The following VANGL2 variants were observed in gnomAD, a reference collection of about 807,000 sequenced individuals.
The protein encoded by VANGL2 is VANGL planar cell polarity protein 2, also known as vang-like protein 2.
In VANGL2, 14 loss-of-function variants were observed where a neutral mutation model predicts 50.2. That is an observed-to-expected ratio of 0.28 (90% CI 0.18 to 0.44). The LOEUF is 0.44. VANGL2 is among the 20% of genes least tolerant of loss of function. The pLI, the probability that VANGL2 is intolerant of heterozygous loss-of-function variation, is 1.00. For missense variants in VANGL2, 533 were observed against 701.5 expected, an observed-to-expected ratio of 0.76 and a Z score of 2.71; for synonymous variants, 295 against 297.2, an observed-to-expected ratio of 0.99 and a Z score of 0.08.
chr1:160,415,947 GGGTTGGGGGCTGTTAAGA>G, intron 2 of VANGL2, 39 bp downstream of exon 2: 1 of 1,614,198 alleles, frequency 6.2e-7, no homozygotes, highest in Non-Finnish European at 8.5e-7. Context: ...GGCGGAGGGA[GGGTTGGGGGCTGTTAAGA>G]GGTGGGCACG....
In VANGL2 at chr1:160,422,096, C is replaced by T. The variant is rs79925766; in HGVS notation, c.1073+909C>T. Among the ~76,000 whole-genome samples, 339 of 152,282 alleles carry T rather than the reference C, an allele frequency of 2.2e-3. 2 individuals carry two copies. The East Asian group carries it at 0.027, about 12-fold the overall frequency. On this transcript the variant is annotated intron_variant, in intron 6 of 7. Coordinates refer to ENST00000368061, the MANE Select transcript of VANGL2 (RefSeq NM_020335.3). ...AGCAGAGTGCCTCAGGACTTGACCA[C>T]GCACCTGGCCTCCGCCCCATCTCCC...
rs1651497328 is a variant in VANGL2, at chr1:160,427,483, C to G, written c.*2105C>G. 1 of 152,314 alleles carries G rather than the reference C, an allele frequency of 6.6e-6. No homozygotes were observed. The highest frequency in any genetic ancestry group is 2.4e-5 in the African/African-American group (1 of 41,362). 9.4% of individuals were successfully genotyped at this position (152,314 alleles called of 1,614,324 possible). Reference sequence around the variant, plus strand: ...TTTTTTGCCTCCAACTCTCTAAGCACTAAGGGCTGTGCCTGAGAATGGTAG... The same window carrying G: ...TTTTTTGCCTCCAACTCTCTAAGCAGTAAGGGCTGTGCCTGAGAATGGTAG... On this transcript the variant is annotated 3_prime_UTR_variant, in exon 8 of 8. Transcript: ENST00000368061.
intron 6 of VANGL2, among the ~76,000 whole-genome samples, chr1:160,422,034 G>T (rs927392587): frequency 2.0e-5 from 3 of 152,174 alleles, no homozygotes; most frequent in Admixed American, 6.5e-5. Flanking sequence ...ACTCTGCCGG[G>T]TTCCATCTTG....
At position 160,400,625 on chromosome 1, in the gene VANGL2, T is replaced by C. The variant is rs975848646; in HGVS notation, c.-435T>C. 1.3e-5 allele frequency: 2 copies of C among 150,824 alleles called. No homozygotes were observed. Among genetic ancestry groups the C allele is most frequent in the Admixed American group, 1.3e-4 (2 of 15,146 alleles). 9.3% of individuals were successfully genotyped at this position (150,824 alleles called of 1,614,324 possible). On this transcript the variant is annotated 5_prime_UTR_variant, in exon 1 of 8. An upstream start codon of the reference 5' UTR is lost. Transcript: ENST00000368061. ...GATTCCTTGATCCTTGGTCCCGCCA[T>C]GGGAGCCTGAGCGCCCCCTATTCCC...
chr1:160,424,136 C>A lies in VANGL2; in HGVS notation c.1158C>A (p.Asp386Glu). The A allele has an allele frequency of 1.2e-6, 2 of 1,613,396 alleles. No individual in the cohort carries two copies. The highest frequency in any genetic ancestry group is 1.1e-5 in the South Asian group (1 of 91,060). ...AGAAAAACCCCAGGGAGGTGATGGA[C>A]CCCCGGGAGGCAGCCCAAGCCATCT... ...EEQKNPREVM[D>E]PREAAQAIFA... The change falls in exon 7 of 8, where the codon GAC becomes GAA. Residue 386 changes from aspartate (D) to glutamate (E), a missense_variant. By Grantham distance (45) the Asp-to-Glu change is conservative. Transcript: ENST00000368061.
intron 3 of VANGL2, 53 bp from the exon 4 acceptor site, chr1:160,418,949 C>G: frequency 6.4e-7 from 1 of 1,559,734 alleles, no homozygotes; most frequent in Non-Finnish European, 8.7e-7. Flanking sequence ...CCCTCCTCTT[C>G]CTCTTCTTAT....
In VANGL2 at chr1:160,406,563, C is replaced by G. The variant is rs556816625; in HGVS notation, c.-191+5694C>G. Among the ~76,000 whole-genome samples the G allele has an allele frequency of 1.5e-4, 23 of 152,080 alleles. 1 individual carries two copies. Among genetic ancestry groups the G allele is most frequent in the South Asian group, 4.2e-4 (2 of 4,802 alleles). ...ACTGTAGGCTCCGGCCACCATGGCC[C>G]GTGGGGTCTTGTTTGTGAATGGGAG... is the stretch of plus-strand genomic sequence containing the variant. On this transcript the variant is annotated intron_variant, in intron 1 of 7. Coordinates refer to ENST00000368061, the MANE Select transcript of VANGL2 (RefSeq NM_020335.3).
At position 160,425,355 on chromosome 1, in the gene VANGL2, C is replaced by G. The variant is rs146242745; in HGVS notation, c.1543C>G (p.Leu515Val). 14 of 1,599,568 alleles carry G rather than the reference C, an allele frequency of 8.8e-6. No homozygotes were observed. The highest frequency in any genetic ancestry group is 1.2e-5 in the Non-Finnish European group (14 of 1,175,560). The change falls in exon 8 of 8, where the codon CTG becomes GTG. Residue 515 changes from leucine to valine, a missense_variant. Transcript: ENST00000368061. ...CAAGTCACACAAGTTTGTCATGAGG[C>G]TGCAGTCTGAGACCTCAGTGTGACT... ...DPKSHKFVMR[L>V]QSETSV
chr1:160,402,592 G>C (rs558062620), intron 1 of VANGL2, among the ~76,000 whole-genome samples: 25 of 152,230 alleles, frequency 1.6e-4, no homozygotes, highest in African/African-American at 6.0e-4. Context: ...AGACCAAAAA[G>C]TTTCCCTTTT....
At chr1:160,402,876 C>A (rs1307206664) in intron 1 of VANGL2, among the ~76,000 whole-genome samples, 1 of 151,998 alleles carries the variant, frequency 6.6e-6, no homozygotes, top group African/African-American at 2.4e-5. Flanking sequence ...CTAGCCTTCC[C>A]CCATTGCACA....
intron 5 of VANGL2, 138 bp downstream of exon 5, chr1:160,420,685 C>G: frequency 7.4e-7 from 1 of 1,348,688 alleles, no homozygotes; most frequent in Non-Finnish European, 1.0e-6. Flanking sequence ...AGTCATTTCC[C>G]TTGACTCCAG....
At chr1:160,402,061 G>T (rs964187834) in intron 1 of VANGL2, among the ~76,000 whole-genome samples, 1 of 152,182 alleles carries the variant, frequency 6.6e-6, no homozygotes, top group Non-Finnish European at 1.5e-5. Context: ...TGGGTTTAGG[G>T]GTAGTACCTT....
intron 6 of VANGL2, among the ~76,000 whole-genome samples, chr1:160,422,904 C>CT (rs377266487): frequency 0.028 from 3,907 of 138,968 alleles, 58 homozygotes; most frequent in Non-Finnish European, 0.037. Flanking sequence ...TGTATGTATG[C>CT]TTTTTTTTTT....
At chr1:160,408,420 T>G (rs113081915) in intron 1 of VANGL2, among the ~76,000 whole-genome samples, 5,743 of 152,188 alleles carry the variant, frequency 0.038, 155 homozygotes, top group Middle Eastern at 0.058. Flanking sequence ...CCCAACTGCT[T>G]TTGAGGTAGA....
chr1:160,416,050 T>G lies in VANGL2; in HGVS notation c.72-12T>G. ...CTGGACTTTCTGTGCCTTTTCTGGCTTCCTGCCGCAGGGACCGCCGGGACC... is the reference window on the plus strand; with the variant it reads ...CTGGACTTTCTGTGCCTTTTCTGGCGTCCTGCCGCAGGGACCGCCGGGACC... On this transcript the variant is annotated splice_polypyrimidine_tract_variant and intron_variant, in intron 2 of 7. Coordinates refer to ENST00000368061, the MANE Select transcript of VANGL2 (RefSeq NM_020335.3). The G allele has an allele frequency of 6.2e-7, 1 of 1,614,204 alleles. No homozygotes were observed. Among genetic ancestry groups the G allele is most frequent in the Non-Finnish European group, 8.5e-7 (1 of 1,180,016 alleles).
intron 3 of VANGL2, 150 bp from the exon 4 acceptor site, chr1:160,418,852 A>C: frequency 9.6e-7 from 1 of 1,037,578 alleles, no homozygotes; most frequent in Non-Finnish European, 1.4e-6. Flanking sequence ...ATGGTTGCGT[A>C]TTTGTTGATT....
chr1:160,409,551 CT>C (rs1410603318), intron 1 of VANGL2, among the ~76,000 whole-genome samples: 3 of 152,218 alleles, frequency 2.0e-5, no homozygotes, highest in African/African-American at 4.8e-5. Flanking sequence ...TGTTGGATGT[CT>C]GCATTTTCAA....
In VANGL2 at chr1:160,415,639, T is replaced by A. The variant is rs989137416; in HGVS notation, c.-190-9T>A. 1 of 638,094 alleles carries A rather than the reference T, an allele frequency of 1.6e-6. No homozygotes were observed. Among genetic ancestry groups the A allele is most frequent in the African/African-American group, 1.8e-5 (1 of 54,656 alleles). 39.5% of individuals were successfully genotyped at this position (638,094 alleles called of 1,614,324 possible). On this transcript the variant is annotated splice_polypyrimidine_tract_variant and intron_variant, in intron 1 of 7. Coordinates refer to ENST00000368061, the MANE Select transcript of VANGL2 (RefSeq NM_020335.3). Reference sequence around the variant, plus strand: ...GAGCCGCCTCTAACTAGCTTCTTCCTCTCACCAGGAGCGTCGCTGGATTTT... The same window carrying A: ...GAGCCGCCTCTAACTAGCTTCTTCCACTCACCAGGAGCGTCGCTGGATTTT...
chr1:160,425,427 T>TGGGGGG lies in VANGL2; in HGVS notation c.*52_*53insGGGGGG. On this transcript the variant is annotated 3_prime_UTR_variant, in exon 8 of 8. Transcript: ENST00000368061. ...GAAACTCTGGGGGGTCCTGAGGGGG[T>TGGGGGG]GGGAGGGGGCTTGGTTCTCAGGCCC... 1 of 160,094 alleles carries TGGGGGG rather than the reference T, an allele frequency of 6.2e-6. No individual in the cohort carries two copies. The highest frequency in any genetic ancestry group is 1.0e-5 in the Non-Finnish European group (1 of 100,252). The allele number at this position is 160,094 out of a possible 1,614,324, so 9.9% of individuals were successfully genotyped here.
Sources: allele counts gnomAD v4.1 joint callset (sites outside exome capture counted in the v4.1 genomes callset), GRCh38; gene constraint gnomAD v4.1.1; transcripts MANE v1.5; gene names NCBI Gene and HGNC (gene_info 2026-07-23, HGNC 2026-07-21).